ALK: variants seen among roughly 807,000 people sequenced by gnomAD.
ALK encodes the protein ALK tyrosine kinase receptor.
Under a neutral mutation model 163.1 loss-of-function variants are expected in ALK, and 74 were observed. The observed-to-expected ratio is 0.45, with a 90% confidence interval of 0.38 to 0.55. The LOEUF is 0.55. Ranked by LOEUF, ALK falls within the 20% of genes least tolerant of loss-of-function variation. The pLI, the probability that ALK is intolerant of heterozygous loss-of-function variation, is 0.00. For synonymous variants in ALK, 960 were observed against 843.2 expected (o/e 1.14, Z -2.40); for missense variants, 2,063 against 2,105.3 (o/e 0.98, Z 0.39).
At chr2:29,365,065 G>A (rs536784858) in intron 5 of ALK, among the ~76,000 whole-genome samples, 12 of 152,280 alleles carry the variant, frequency 7.9e-5, no homozygotes, top group African/African-American at 2.6e-4. Context: ...GGTTGAGTTC[G>A]GTGGATGCTG....
chr2:29,297,131 G>A, intron 8 of ALK, 74 bp from the exon 9 acceptor site: 1 of 1,579,164 alleles, frequency 6.3e-7, no homozygotes, highest in Non-Finnish European at 8.7e-7. Flanking sequence ...CTCCACTGAA[G>A]TTTCAAGGAC....
At chr2:29,761,887 T>G (rs989158300) in intron 1 of ALK, among the ~76,000 whole-genome samples, 3 of 152,238 alleles carry the variant, frequency 2.0e-5, no homozygotes, top group African/African-American at 4.8e-5. Flanking sequence ...CAACGTATAT[T>G]TGGTATCTAA....
rs148916357 is a variant in ALK, at chr2:29,695,826, C to T, written c.788-812G>A. 1.5e-3 allele frequency among the ~76,000 whole-genome samples: 227 copies of T among 152,326 alleles called. 1 individual carries two copies. The highest frequency in any genetic ancestry group is 3.8e-3 in the African/African-American group (157 of 41,566). ...AAAACCACAATGAGATACCATCTCA[C>T]ACCAGTTAGAATGGCGATCATTAAA... On this transcript the variant is annotated intron_variant, in intron 2 of 28. Transcript: ENST00000389048.
chr2:29,378,709 C>T (rs548576363), intron 5 of ALK, among the ~76,000 whole-genome samples: 1 of 151,780 alleles, frequency 6.6e-6, no homozygotes, highest in Non-Finnish European at 1.5e-5. Context: ...CTCCCCTCCC[C>T]TCCCCTCCCT....
intron 4 of ALK, among the ~76,000 whole-genome samples, chr2:29,392,440 G>C (rs1398984916): frequency 2.0e-5 from 3 of 152,182 alleles, no homozygotes; most frequent in Non-Finnish European, 4.4e-5. Flanking sequence ...GGTGGGTTGT[G>C]CTTGAAGAAC....
intron 1 of ALK, among the ~76,000 whole-genome samples, chr2:29,775,678 T>A (rs1681156861): frequency 6.6e-6 from 1 of 152,232 alleles, no homozygotes; most frequent in Non-Finnish European, 1.5e-5. Context: ...CTTCCCCATT[T>A]ACTAGCTGGG....
intron 3 of ALK, among the ~76,000 whole-genome samples, chr2:29,622,710 GT>G (rs1309236746): frequency 6.6e-6 from 1 of 152,142 alleles, no homozygotes; most frequent in African/African-American, 2.4e-5. Flanking sequence ...AAGTTCCACA[GT>G]TGGGCCAGCC....
intron 3 of ALK, among the ~76,000 whole-genome samples, chr2:29,619,079 G>C (rs1675949882): frequency 1.3e-5 from 2 of 152,040 alleles, no homozygotes; most frequent in African/African-American, 4.8e-5. Flanking sequence ...TATAACACAA[G>C]AAACCCATAA....
intron 1 of ALK, among the ~76,000 whole-genome samples, chr2:29,916,472 A>G (rs879388312): frequency 7.9e-5 from 12 of 152,310 alleles, no homozygotes; most frequent in Admixed American, 7.8e-4. Context: ...ACTAGTTCCA[A>G]TTCTCCCAAT....
chr2:29,796,935 A>G (rs1366845853), intron 1 of ALK, among the ~76,000 whole-genome samples: 2 of 151,956 alleles, frequency 1.3e-5, no homozygotes, highest in African/African-American at 2.4e-5. Context: ...AAATGGCTCA[A>G]TGACAACAAT....
chr2:29,463,664 T>C lies in ALK; in HGVS notation c.1154+68251A>G, dbSNP rs1343603871. Among the ~76,000 whole-genome samples the C allele has an allele frequency of 2.0e-5, 3 of 152,134 alleles. No homozygotes were observed. In the East Asian group the frequency reaches 5.8e-4, roughly 29 times the overall value. On this transcript the variant is annotated intron_variant, in intron 4 of 28. Coordinates refer to ENST00000389048, the MANE Select transcript of ALK (RefSeq NM_004304.5). ...TTTCCAGGTTGCCATGCAGAGAGAA[T>C]AAAACCAAACACAGCTTGGTGACTA...
At chr2:29,285,567 C>CT (rs1185314126) in intron 9 of ALK, among the ~76,000 whole-genome samples, 11 of 80,590 alleles carry the variant, frequency 1.4e-4, no homozygotes, top group Non-Finnish European at 3.3e-4. Flanking sequence ...CCCTCAGTGG[C>CT]TCTTTTTTTT....
At chr2:29,666,239 T>C (rs1677509541) in intron 3 of ALK, among the ~76,000 whole-genome samples, 1 of 152,174 alleles carries the variant, frequency 6.6e-6, no homozygotes. Flanking sequence ...TTATCCTAGA[T>C]AGTATTTTAT....
intron 8 of ALK, among the ~76,000 whole-genome samples, chr2:29,308,766 A>G (rs1376720723): frequency 6.6e-6 from 1 of 152,206 alleles, no homozygotes; most frequent in Non-Finnish European, 1.5e-5. Flanking sequence ...CAGCTTAGCG[A>G]AGACATTTGA....
intron 19 of ALK, 31 bp from the exon 20 acceptor site, chr2:29,223,559 C>T (rs2148171306): frequency 6.2e-7 from 1 of 1,608,274 alleles, no homozygotes; most frequent in South Asian, 1.1e-5. Context: ...GCAACATGGC[C>T]TGGCAGCCTG....
At chr2:29,334,367 G>A (rs59187563) in intron 5 of ALK, among the ~76,000 whole-genome samples, 1 of 152,182 alleles carries the variant, frequency 6.6e-6, no homozygotes, top group Non-Finnish European at 1.5e-5. Context: ...CTGTGTATTA[G>A]CTGGGGAAGG....
At chr2:29,625,797 A>C (rs1256084564) in intron 3 of ALK, among the ~76,000 whole-genome samples, 1 of 152,164 alleles carries the variant, frequency 6.6e-6, no homozygotes, top group Non-Finnish European at 1.5e-5. Context: ...CAGGCTCTGG[A>C]GATACTGAGA....
At chr2:29,911,153 T>G (rs1667690887) in intron 1 of ALK, among the ~76,000 whole-genome samples, 1 of 152,248 alleles carries the variant, frequency 6.6e-6, no homozygotes, top group African/African-American at 2.4e-5. Context: ...TCTGTGGTGG[T>G]AGCACCATGG....
At chr2:29,824,123 C>G (rs1016727537) in intron 1 of ALK, among the ~76,000 whole-genome samples, 1 of 152,192 alleles carries the variant, frequency 6.6e-6, no homozygotes, top group Non-Finnish European at 1.5e-5. Flanking sequence ...AGGGTGGAAG[C>G]CCCAAACCTT....
Sources: gnomAD v4.1 joint callset for allele counts (sites outside exome capture counted in the v4.1 genomes callset) on GRCh38, gnomAD v4.1.1 for gene constraint, MANE v1.5 for transcripts, NCBI Gene and HGNC (gene_info 2026-07-23, HGNC 2026-07-21) for gene names.